Variants in GRM7 observed in about 807,000 individuals in gnomAD.
GRM7 encodes glutamate metabotropic receptor 7, also known as metabotropic glutamate receptor 7.
GRM7 carries 35 observed loss-of-function variants against 84.5 expected under a neutral mutation model. The ratio of observed to expected loss-of-function variants is 0.41; its 90% CI spans 0.32 to 0.55. The LOEUF (loss-of-function observed/expected upper bound fraction) is 0.55. Among genes scored for constraint, GRM7 ranks in the 20% least tolerant of loss-of-function variants. The pLI is 0.19. For synonymous variants in GRM7, 487 were observed against 455.1 expected, an observed-to-expected ratio of 1.07 and a Z score of -0.89; for missense variants, 1,003 against 1,194.6, an observed-to-expected ratio of 0.84 and a Z score of 2.36.
chr3:7,051,056 CATTA>C (rs1281119917), intron 1 of GRM7, among the ~76,000 whole-genome samples: 1 of 151,688 alleles, frequency 6.6e-6, no homozygotes, highest in African/African-American at 2.4e-5. Flanking sequence ...ATATTTCATA[CATTA>C]ATTAAACACT....
intron 8 of GRM7, among the ~76,000 whole-genome samples, chr3:7,587,716 T>C (rs1695582659): frequency 6.6e-6 from 1 of 152,206 alleles, no homozygotes; most frequent in Admixed American, 6.5e-5. Context: ...CGTGAAATTT[T>C]ACCCTGGGAA....
At chr3:7,428,494 C>T (rs1006477003) in intron 5 of GRM7, among the ~76,000 whole-genome samples, 3 of 152,108 alleles carry the variant, frequency 2.0e-5, no homozygotes, top group Admixed American at 6.6e-5. Flanking sequence ...TTAATGAGTG[C>T]TTACTCTTGA....
chr3:7,232,327 G>C (rs1175320900), intron 2 of GRM7, among the ~76,000 whole-genome samples: 1 of 152,172 alleles, frequency 6.6e-6, no homozygotes, highest in Admixed American at 6.5e-5. Flanking sequence ...ACAAAACATA[G>C]GTCAATGCTT....
intron 7 of GRM7, among the ~76,000 whole-genome samples, chr3:7,473,871 T>C (rs889051596): frequency 1.3e-5 from 2 of 152,222 alleles, no homozygotes; most frequent in Non-Finnish European, 2.9e-5. Context: ...ATTAAATTAT[T>C]TGTAACTTTA....
At chr3:7,485,839 A>G (rs191345526) in intron 7 of GRM7, among the ~76,000 whole-genome samples, 1 of 152,322 alleles carries the variant, frequency 6.6e-6, no homozygotes, top group East Asian at 1.9e-4. Context: ...GCATGGATTA[A>G]TAATTCATGT....
intron 2 of GRM7, among the ~76,000 whole-genome samples, chr3:7,292,726 TAAA>T (rs869047081): frequency 5.7e-5 from 8 of 140,794 alleles, no homozygotes; most frequent in African/African-American, 2.1e-4. Flanking sequence ...CTTTTTTTTT[TAAA>T]AAAAAAAACA....
intron 2 of GRM7, among the ~76,000 whole-genome samples, chr3:7,257,871 G>C (rs1698266530): frequency 6.6e-6 from 1 of 151,972 alleles, no homozygotes; most frequent in Non-Finnish European, 1.5e-5. Flanking sequence ...TTTATTCCTT[G>C]TTTTATAGGA....
chr3:7,254,745 G>A (rs1698133560), intron 2 of GRM7, among the ~76,000 whole-genome samples: 1 of 152,146 alleles, frequency 6.6e-6, no homozygotes, highest in Non-Finnish European at 1.5e-5. Flanking sequence ...TTGACTTCAG[G>A]CAAGTTGCTT....
intron 4 of GRM7, among the ~76,000 whole-genome samples, chr3:7,350,317 A>G (rs1395683123): frequency 6.6e-6 from 1 of 151,966 alleles, no homozygotes; most frequent in East Asian, 1.9e-4. Flanking sequence ...GCCTGGTGGG[A>G]GGTGATTGGA....
At chr3:7,351,863 T>C (rs978075304) in intron 4 of GRM7, among the ~76,000 whole-genome samples, 1 of 151,988 alleles carries the variant, frequency 6.6e-6, no homozygotes, top group African/African-American at 2.4e-5. Flanking sequence ...TTCCTTGGTT[T>C]TGAGGCTTTC....
chr3:7,037,752 T>C (rs1480940389), intron 1 of GRM7, among the ~76,000 whole-genome samples: 1 of 152,078 alleles, frequency 6.6e-6, no homozygotes, highest in African/African-American at 2.4e-5. Context: ...CCTCAAGAAA[T>C]AGAACCTGTT....
intron 4 of GRM7, among the ~76,000 whole-genome samples, chr3:7,312,936 C>CTTTTTTTTTTTTT (rs372557190): frequency 1.6e-5 from 2 of 127,262 alleles, no homozygotes; most frequent in East Asian, 2.3e-4. Flanking sequence ...TTCTTTTTTT[C>CTTTTTTTTTTTTT]TTTTTTTTTT....
chr3:7,402,089 G>A (rs1230423586), intron 4 of GRM7, among the ~76,000 whole-genome samples: 1 of 151,974 alleles, frequency 6.6e-6, no homozygotes, highest in Non-Finnish European at 1.5e-5. Flanking sequence ...CATCTCCCCA[G>A]GCAAACTGAA....
intron 7 of GRM7, among the ~76,000 whole-genome samples, chr3:7,548,205 C>G (rs765247248): frequency 6.6e-6 from 1 of 152,198 alleles, no homozygotes; most frequent in Non-Finnish European, 1.5e-5. Flanking sequence ...TTCGTGCCAT[C>G]CTCTAGGTAA....
chr3:7,354,993 A>T (rs757279388), intron 4 of GRM7, among the ~76,000 whole-genome samples: 58 of 152,148 alleles, frequency 3.8e-4, no homozygotes, highest in Admixed American at 9.2e-4. Flanking sequence ...ATATCTCAAC[A>T]GTCTATTACA....
intron 1 of GRM7, among the ~76,000 whole-genome samples, chr3:6,911,826 A>G (rs1254299918): frequency 1.3e-5 from 2 of 152,204 alleles, no homozygotes; most frequent in Non-Finnish European, 2.9e-5. Flanking sequence ...CATTCTTAAA[A>G]GAGAGATTAA....
At chr3:7,226,434 G>T (rs763126466) in intron 2 of GRM7, among the ~76,000 whole-genome samples, 3 of 152,184 alleles carry the variant, frequency 2.0e-5, no homozygotes, top group Non-Finnish European at 4.4e-5. Context: ...GGCCCCGACA[G>T]TTCCCTATCG....
At chr3:7,235,446 G>A (rs1314699591) in intron 2 of GRM7, among the ~76,000 whole-genome samples, 3 of 152,156 alleles carry the variant, frequency 2.0e-5, no homozygotes. Flanking sequence ...GGAATTTTCT[G>A]TGGTACATGA....
intron 9 of GRM7, chr3:7,693,528 T>A (rs577495110): frequency 1.4e-6 from 1 of 736,934 alleles, no homozygotes; most frequent in African/African-American, 1.7e-5. Context: ...TGGACCTTAA[T>A]TCCTCTTTCC....
Sources: allele counts gnomAD v4.1 joint callset (sites outside exome capture counted in the v4.1 genomes callset), GRCh38; gene constraint gnomAD v4.1.1; transcripts MANE v1.5; gene names NCBI Gene and HGNC (gene_info 2026-07-23, HGNC 2026-07-21).